The following SLC4A10 variants were observed in gnomAD, a reference collection of about 807,000 sequenced individuals.
SLC4A10 encodes the protein solute carrier family 4 member 10, also known as sodium-driven chloride bicarbonate exchanger.
A neutral mutation model predicts 137.7 loss-of-function variants in SLC4A10; 42 were observed. The observed-to-expected ratio is 0.30, with a 90% CI of 0.24 to 0.39. The LOEUF is 0.39. SLC4A10 is among the 10% of genes least tolerant of loss of function. SLC4A10 has a pLI of 1.00. For synonymous variants in SLC4A10, 474 were observed against 464.1 expected, an observed-to-expected ratio of 1.02 and a Z score of -0.27; for missense variants, 925 against 1,355.0, an observed-to-expected ratio of 0.68 and a Z score of 4.98.
chr2:161,716,783 T>C (rs1054813671), intron 1 of SLC4A10, among the ~76,000 whole-genome samples: 2 of 152,130 alleles, frequency 1.3e-5, no homozygotes, highest in Non-Finnish European at 1.5e-5. Flanking sequence ...TTGTCTTGAC[T>C]ATACCAGCTC....
chr2:161,912,648 A>G (rs10171871), intron 15 of SLC4A10, among the ~76,000 whole-genome samples: 2,480 of 152,244 alleles, frequency 0.016, 69 homozygotes, highest in African/African-American at 0.057. Context: ...ACTACACTCC[A>G]GAAAAGGCTA....
chr2:161,756,590 A>G (rs931348941), intron 1 of SLC4A10, among the ~76,000 whole-genome samples: 2 of 152,180 alleles, frequency 1.3e-5, no homozygotes, highest in Non-Finnish European at 2.9e-5. Context: ...TAGCTGCACA[A>G]TTTGGGCCAC....
chr2:161,625,261 C>A (rs1334287884), intron 1 of SLC4A10, among the ~76,000 whole-genome samples: 1 of 152,046 alleles, frequency 6.6e-6, no homozygotes, highest in Non-Finnish European at 1.5e-5. Flanking sequence ...CCTCTGGGTT[C>A]TTAAGCTGTT....
intron 1 of SLC4A10, among the ~76,000 whole-genome samples, chr2:161,658,424 G>A (rs867124996): frequency 1.1e-4 from 16 of 152,108 alleles, no homozygotes; most frequent in Admixed American, 5.9e-4. Context: ...CAAATCTGGC[G>A]TTCAGCTTAA....
chr2:161,878,882 G>A (rs146829030), intron 8 of SLC4A10, among the ~76,000 whole-genome samples: 3 of 152,096 alleles, frequency 2.0e-5, no homozygotes, highest in African/African-American at 7.2e-5. Context: ...TGTTGAGGCT[G>A]GAGAAACTTC....
At chr2:161,829,636 G>A (rs1216807749) in intron 3 of SLC4A10, among the ~76,000 whole-genome samples, 1 of 151,920 alleles carries the variant, frequency 6.6e-6, no homozygotes, top group East Asian at 1.9e-4. Context: ...AATAATAAGG[G>A]AATGTTTTCT....
At chr2:161,740,748 T>C (rs141232436) in intron 1 of SLC4A10, among the ~76,000 whole-genome samples, 2 of 152,262 alleles carry the variant, frequency 1.3e-5, no homozygotes, top group Admixed American at 6.5e-5. Flanking sequence ...CCAATTAATA[T>C]AGCTTAAAGG....
chr2:161,836,585 A>G lies in SLC4A10; in HGVS notation c.278-3204A>G, dbSNP rs867615315. Among the ~76,000 whole-genome samples, 519 of 99,100 alleles carry G rather than the reference A, an allele frequency of 5.2e-3. 26 individuals carry two copies. Among genetic ancestry groups the G allele is most frequent in the Non-Finnish European group, 8.3e-3 (380 of 45,776 alleles). The allele number at this position is 99,100 out of a possible 152,430, so 65.0% of individuals were successfully genotyped here. A position where few individuals can be genotyped will look rare whatever the true frequency, so the allele number is the denominator to read the frequency against. On this transcript the variant is annotated intron_variant, in intron 3 of 26. Coordinates refer to ENST00000446997, the MANE Select transcript of SLC4A10 (RefSeq NM_001178015.2). The stretch of plus-strand genomic sequence containing the variant: ...GAAAGAAAGAAAGAAAGAAAGAAAG[A>G]AAGAAAGAAAGAAAGGAAGGAAGGA...
chr2:161,852,286 A>G (rs1389751670), intron 4 of SLC4A10, among the ~76,000 whole-genome samples: 1 of 152,234 alleles, frequency 6.6e-6, no homozygotes, highest in African/African-American at 2.4e-5. Context: ...GTAAATTTCC[A>G]ATTTAACAAA....
At chr2:161,898,257 A>G (rs1040565069) in intron 11 of SLC4A10, among the ~76,000 whole-genome samples, 5 of 152,130 alleles carry the variant, frequency 3.3e-5, no homozygotes, top group Non-Finnish European at 5.9e-5. Context: ...AAATGTTGCC[A>G]TTGTAACTAA....
Position 161,974,135 on chromosome 2 carries a change from G to A in SLC4A10, c.3160-114G>A, listed in dbSNP as rs1575949265. The A allele has an allele frequency of 5.2e-6, 4 of 764,952 alleles. No individual in the cohort carries two copies. The East Asian group carries it at 8.4e-5, about 16-fold the overall frequency. The allele number at this position is 764,952 out of a possible 1,614,324, so 47.4% of individuals were successfully genotyped here. A position where few individuals can be genotyped will look rare whatever the true frequency, so the allele number is the denominator to read the frequency against. ...GTGCTAACATTAATAAATGCAAACAGAGTGGAAGGTCTTGAGGTTAATGAG... is the reference window on the plus strand; with the variant it reads ...GTGCTAACATTAATAAATGCAAACAAAGTGGAAGGTCTTGAGGTTAATGAG... On this transcript the variant is annotated intron_variant, in intron 23 of 26. Coordinates refer to ENST00000446997, the MANE Select transcript of SLC4A10 (RefSeq NM_001178015.2).
At chr2:161,827,680 C>T (rs934444311) in intron 3 of SLC4A10, among the ~76,000 whole-genome samples, 4 of 152,088 alleles carry the variant, frequency 2.6e-5, no homozygotes, top group Admixed American at 2.6e-4. Context: ...ATTCTCCTGC[C>T]TCAGCCTTCC....
chr2:161,888,669 T>G (rs1249664877), intron 10 of SLC4A10, among the ~76,000 whole-genome samples: 1 of 152,214 alleles, frequency 6.6e-6, no homozygotes, highest in Non-Finnish European at 1.5e-5. Flanking sequence ...AAGTTGCTTA[T>G]CAGCTTAAGG....
At chr2:161,669,964 A>T (rs2039503153) in intron 1 of SLC4A10, among the ~76,000 whole-genome samples, 1 of 152,010 alleles carries the variant, frequency 6.6e-6, no homozygotes, top group South Asian at 2.1e-4. Context: ...CTGTTGTTAA[A>T]CTGTTAAAAT....
intron 1 of SLC4A10, among the ~76,000 whole-genome samples, chr2:161,678,531 T>C (rs1440271142): frequency 6.6e-6 from 1 of 152,206 alleles, no homozygotes; most frequent in Non-Finnish European, 1.5e-5. Context: ...CATGTGAATG[T>C]TCACATATAC....
intron 11 of SLC4A10, among the ~76,000 whole-genome samples, chr2:161,899,114 A>G (rs1021060073): frequency 7.9e-5 from 12 of 152,088 alleles, no homozygotes; most frequent in African/African-American, 2.7e-4. Context: ...TGAAATAGCC[A>G]AAGTCAGCCT....
intron 19 of SLC4A10, among the ~76,000 whole-genome samples, chr2:161,956,120 G>A (rs866301761): frequency 1.3e-5 from 2 of 152,188 alleles, no homozygotes; most frequent in South Asian, 4.2e-4. Flanking sequence ...TTAACCACTA[G>A]AATATAATAG....
chr2:161,645,371 C>T (rs2035893194), intron 1 of SLC4A10, among the ~76,000 whole-genome samples: 1 of 151,824 alleles, frequency 6.6e-6, no homozygotes, highest in Non-Finnish European at 1.5e-5. Flanking sequence ...CTAATGTAGT[C>T]AGGGTTACAC....
At chr2:161,975,273 T>G (rs1437186857) in intron 24 of SLC4A10, among the ~76,000 whole-genome samples, 1 of 152,134 alleles carries the variant, frequency 6.6e-6, no homozygotes, top group Non-Finnish European at 1.5e-5. Flanking sequence ...TATTTCCAAG[T>G]GTATTAGGTA....
Sources: allele counts gnomAD v4.1 joint callset (sites outside exome capture counted in the v4.1 genomes callset), GRCh38; gene constraint gnomAD v4.1.1; transcripts MANE v1.5; gene names NCBI Gene and HGNC (gene_info 2026-07-23, HGNC 2026-07-21).